TBL1X: variants seen among roughly 807,000 people sequenced by gnomAD.
The protein encoded by TBL1X is transducin beta like 1 X-linked.
In TBL1X, 10 loss-of-function variants were observed where a neutral mutation model predicts 50.7. The ratio of observed to expected loss-of-function variants is 0.20; its 90% CI spans 0.12 to 0.33. The LOEUF (loss-of-function observed/expected upper bound fraction) is 0.33. Among genes scored for constraint, TBL1X ranks in the 10% least tolerant of loss-of-function variants. The pLI is 1.00. For missense variants in TBL1X, 340 were observed against 504.4 expected, an observed-to-expected ratio of 0.67 and a Z score of 3.12; for synonymous variants, 190 against 214.7, an observed-to-expected ratio of 0.88 and a Z score of 1.01.
intron 1 of TBL1X, among the ~76,000 whole-genome samples, chrX:9,471,729 A>G (rs2081816278): frequency 9.0e-6 from 1 of 111,658 alleles, no homozygotes; most frequent in South Asian, 3.7e-4. Context: ...AGCACAAACA[A>G]TGCTCACGGC....
intron 2 of TBL1X, among the ~76,000 whole-genome samples, chrX:9,543,836 CAG>C (rs1272754104): frequency 1.1e-4 from 12 of 111,906 alleles, no homozygotes; most frequent in African/African-American, 3.6e-4. Flanking sequence ...AGCCAAGAAA[CAG>C]GGGTGAAGGG....
At chrX:9,508,626 A>G (rs1468046451) in intron 2 of TBL1X, among the ~76,000 whole-genome samples, 1 of 112,137 alleles carries the variant, frequency 8.9e-6, no homozygotes, top group Non-Finnish European at 1.9e-5. Flanking sequence ...TGCTATAAAG[A>G]TGCATGCACG....
At chrX:9,617,806 G>T (rs2082646586) in intron 2 of TBL1X, among the ~76,000 whole-genome samples, 1 of 112,450 alleles carries the variant, frequency 8.9e-6, no homozygotes, top group Non-Finnish European at 1.9e-5. Flanking sequence ...GAGCCAGAAA[G>T]ATTACACTTG....
intron 5 of TBL1X, 145 bp downstream of exon 5, chrX:9,654,467 G>C: frequency 4.7e-6 from 3 of 639,361 alleles, no homozygotes; most frequent in East Asian, 7.0e-5. Flanking sequence ...AGAAGAGAAG[G>C]TTCTGGAGCT....
intron 5 of TBL1X, among the ~76,000 whole-genome samples, chrX:9,668,967 A>G (rs908736801): frequency 2.7e-5 from 3 of 112,097 alleles, no homozygotes; most frequent in African/African-American, 9.7e-5. Flanking sequence ...GTCCAAGCAT[A>G]ATAAGACTAA....
chrX:9,636,614 C>G (rs1390065641), intron 2 of TBL1X: 2 of 111,130 alleles, frequency 1.8e-5, no homozygotes, highest in Admixed American at 1.9e-4. Flanking sequence ...AAGGCTGCAT[C>G]AAAAGAGGAG....
chrX:9,651,990 C>A (rs1184095143), intron 3 of TBL1X, among the ~76,000 whole-genome samples: 1 of 112,169 alleles, frequency 8.9e-6, no homozygotes, highest in Admixed American at 9.5e-5. Flanking sequence ...CTGCGGGTCA[C>A]GGGTCCAGGC....
chrX:9,672,491 T>G lies in TBL1X; in HGVS notation c.212-11552T>G, dbSNP rs761810751. Among the ~76,000 whole-genome samples the G allele has an allele frequency of 4.5e-5, 5 of 111,809 alleles. No homozygotes were observed. In the Admixed American group the frequency reaches 4.7e-4, roughly 11 times the overall value. ...CTCTGTACATCCCTTTGCTGGTGCC[T>G]CCTTCTCCGTTCACTTCTCAACTAC... On this transcript the variant is annotated intron_variant, in intron 5 of 17. Coordinates refer to ENST00000645353, the MANE Select transcript of TBL1X (RefSeq NM_005647.4).
At chrX:9,467,933 G>T (rs1426631005) in intron 1 of TBL1X, among the ~76,000 whole-genome samples, 3 of 112,571 alleles carry the variant, frequency 2.7e-5, no homozygotes, top group Non-Finnish European at 5.6e-5. Context: ...CCGGGCTGCT[G>T]CCTGCCTGGC....
At chrX:9,488,175 A>G (rs2081923332) in intron 1 of TBL1X, among the ~76,000 whole-genome samples, 1 of 112,210 alleles carries the variant, frequency 8.9e-6, no homozygotes, top group Non-Finnish European at 1.9e-5. Flanking sequence ...ATAATTGATC[A>G]TATTCATTTC....
At chrX:9,711,160 A>G (rs375248480) in intron 15 of TBL1X, among the ~76,000 whole-genome samples, 1 of 110,646 alleles carries the variant, frequency 9.0e-6, no homozygotes, top group East Asian at 2.8e-4. Context: ...TGGGCAACAC[A>G]GTGAAACCCC....
At chrX:9,607,225 C>T (rs184240190) in intron 2 of TBL1X, among the ~76,000 whole-genome samples, 1 of 112,785 alleles carries the variant, frequency 8.9e-6, no homozygotes, top group East Asian at 2.8e-4. Flanking sequence ...GGATTTGAGG[C>T]CTGTGAGGTT....
At chrX:9,545,259 T>G (rs1205027586) in intron 2 of TBL1X, among the ~76,000 whole-genome samples, 1 of 111,270 alleles carries the variant, frequency 9.0e-6, no homozygotes, top group African/African-American at 3.3e-5. Context: ...TTTCAAACCC[T>G]GGCTGGGTGT....
chrX:9,688,202 C>A lies in TBL1X; in HGVS notation c.543C>A (p.Gly181=). 1.7e-6 allele frequency: 2 copies of A among 1,198,766 alleles called. No homozygotes were observed. Among genetic ancestry groups the A allele is most frequent in the Non-Finnish European group, 2.2e-6 (2 of 888,895 alleles). ...AATAATTTSA[G]VSHQNPSKNR... ...CAGCAGCCACCACGACCTCAGCCGG[C>A]GTTTCCCACCAAAATCCATCGAAGA... The change falls in exon 7 of 18, where the codon GGC becomes GGA. Residue 181 remains glycine (G), a synonymous_variant. Coordinates refer to ENST00000645353, the MANE Select transcript of TBL1X (RefSeq NM_005647.4).
chrX:9,565,620 G>A (rs975857557), intron 2 of TBL1X, among the ~76,000 whole-genome samples: 6 of 111,221 alleles, frequency 5.4e-5, no homozygotes, highest in Admixed American at 9.6e-5. Context: ...CTAGAGCCCC[G>A]GTGTTTGAGA....
chrX:9,585,489 G>A (rs1231000354), intron 2 of TBL1X, among the ~76,000 whole-genome samples: 1 of 111,346 alleles, frequency 9.0e-6, no homozygotes, highest in African/African-American at 3.3e-5. Context: ...AAGTGCAGTC[G>A]GAGGAGGATG....
At chrX:9,568,513 G>A (rs1242708034) in intron 2 of TBL1X, among the ~76,000 whole-genome samples, 6 of 110,652 alleles carry the variant, frequency 5.4e-5, no homozygotes, top group Admixed American at 4.8e-4. Flanking sequence ...GTCTATCTGC[G>A]TGGTGTACTG....
chrX:9,670,913 C>G (rs940117659), intron 5 of TBL1X, among the ~76,000 whole-genome samples: 4 of 112,215 alleles, frequency 3.6e-5, no homozygotes, highest in Admixed American at 1.9e-4. Flanking sequence ...TGTTGGCAGT[C>G]TTTGCTTTAG....
At chrX:9,545,024 T>G (rs760376510) in intron 2 of TBL1X, among the ~76,000 whole-genome samples, 62 of 96,051 alleles carry the variant, frequency 6.5e-4, no homozygotes, top group Non-Finnish European at 1.1e-3. Context: ...TTTTTTTTTT[T>G]GAAATGGAGT....
Sources: gnomAD v4.1 joint callset for allele counts (sites outside exome capture counted in the v4.1 genomes callset) on GRCh38, gnomAD v4.1.1 for gene constraint, MANE v1.5 for transcripts, NCBI Gene and HGNC (gene_info 2026-07-23, HGNC 2026-07-21) for gene names.